The following RASGRF2 variants were observed in gnomAD, a reference collection of about 807,000 sequenced individuals.
The protein encoded by RASGRF2 is Ras protein specific guanine nucleotide releasing factor 2, also known as ras-specific guanine nucleotide-releasing factor 2.
In RASGRF2, 76 loss-of-function variants were observed where a neutral mutation model predicts 151.0. The observed-to-expected ratio is 0.50, with a 90% confidence interval of 0.42 to 0.61. The LOEUF is 0.61. RASGRF2 is among the 20% of genes least tolerant of loss of function. The pLI is 0.00. For missense variants in RASGRF2, 1,148 were observed against 1,564.6 expected (o/e 0.73, Z 4.49); for synonymous variants, 504 against 566.5 (o/e 0.89, Z 1.57).
intron 17 of RASGRF2, among the ~76,000 whole-genome samples, chr5:81,170,380 G>T (rs899033525): frequency 2.6e-5 from 4 of 152,250 alleles, no homozygotes; most frequent in Admixed American, 2.6e-4. Context: ...ACCCGCTGAT[G>T]GCTTCCCAAT....
chr5:80,998,842 G>A (rs1011963728), intron 1 of RASGRF2, among the ~76,000 whole-genome samples: 2 of 152,166 alleles, frequency 1.3e-5, no homozygotes, highest in Non-Finnish European at 2.9e-5. Context: ...TGAGCTTGAG[G>A]TTCATTCTGC....
In RASGRF2 at chr5:81,080,219, G is replaced by T; in HGVS notation, c.967+19G>T. 6.3e-7 allele frequency: 1 copy of T among 1,585,792 alleles called. No homozygotes were observed. The highest frequency in any genetic ancestry group is 8.5e-7 in the Non-Finnish European group (1 of 1,173,452). The stretch of plus-strand genomic sequence containing the variant: ...ATTTTAGGTAAGTGCATTCTTTAAA[G>T]GTGTAAGATTTTCTTTTAGAGTGGC... On this transcript the variant is annotated intron_variant, in intron 6 of 26. Coordinates refer to ENST00000265080, the MANE Select transcript of RASGRF2 (RefSeq NM_006909.3).
intron 17 of RASGRF2, among the ~76,000 whole-genome samples, chr5:81,141,135 G>A (rs1333424718): frequency 2.0e-5 from 3 of 152,170 alleles, no homozygotes; most frequent in East Asian, 1.9e-4. Flanking sequence ...AGCCACCAGT[G>A]TGTGACCTCA....
intron 7 of RASGRF2, 63 bp from the exon 8 acceptor site, chr5:81,085,739 C>A: frequency 1.2e-6 from 2 of 1,600,040 alleles, no homozygotes; most frequent in South Asian, 2.2e-5. Flanking sequence ...GATGGCCCTG[C>A]GGAGCATGTG....
intron 1 of RASGRF2, among the ~76,000 whole-genome samples, chr5:80,976,134 C>T (rs991019190): frequency 1.3e-5 from 2 of 152,158 alleles, no homozygotes; most frequent in African/African-American, 2.4e-5. Context: ...GTAACCACCA[C>T]GCCCGGCTAA....
intron 16 of RASGRF2, among the ~76,000 whole-genome samples, chr5:81,125,012 C>T (rs26890): frequency 0.36 from 55,020 of 151,794 alleles, 10,527 homozygotes; most frequent in Middle Eastern, 0.51. Flanking sequence ...CTCAGCCTCC[C>T]GAGTAGCCAG....
At chr5:81,143,630 G>A (rs1035638725) in intron 17 of RASGRF2, among the ~76,000 whole-genome samples, 2 of 151,862 alleles carry the variant, frequency 1.3e-5, no homozygotes, top group African/African-American at 2.4e-5. Context: ...GGTGGTGCAC[G>A]CCTATAATCC....
chr5:81,135,096 C>T (rs939567548), intron 17 of RASGRF2, among the ~76,000 whole-genome samples: 2 of 150,454 alleles, frequency 1.3e-5, no homozygotes, highest in Admixed American at 1.3e-4. Flanking sequence ...TGCTTGAGCC[C>T]AGGAGTTCAA....
chr5:81,109,760 A>C (rs1752945795), intron 13 of RASGRF2, among the ~76,000 whole-genome samples: 1 of 152,204 alleles, frequency 6.6e-6, no homozygotes, highest in Admixed American at 6.5e-5. Flanking sequence ...GCAGTTTACC[A>C]GTGTCTACGT....
At chr5:80,969,812 C>CTTTTTTTT (rs1561531426) in intron 1 of RASGRF2, among the ~76,000 whole-genome samples, 1 of 98,914 alleles carries the variant, frequency 1.0e-5, no homozygotes, top group African/African-American at 4.4e-5. Flanking sequence ...AATACTTCTT[C>CTTTTTTTT]TTCTTTTTTT....
At chr5:81,026,226 T>A (rs1436219160) in intron 1 of RASGRF2, among the ~76,000 whole-genome samples, 2 of 151,488 alleles carry the variant, frequency 1.3e-5, no homozygotes, top group African/African-American at 4.8e-5. Flanking sequence ...TCTTCCTTTT[T>A]TTCTATTCTT....
chr5:81,219,381 T>G (rs987092003), intron 25 of RASGRF2, among the ~76,000 whole-genome samples: 14 of 152,174 alleles, frequency 9.2e-5, no homozygotes, highest in Non-Finnish European at 1.9e-4. Context: ...ATGCCCAGCC[T>G]GGACAGCCAG....
rs77519616 is a variant in RASGRF2 at position 81,194,976 on chromosome 5, G to C, written c.2794-6354G>C. Among the ~76,000 whole-genome samples, 700 of 152,284 alleles carry C rather than the reference G, an allele frequency of 4.6e-3. 9 individuals are homozygous for C. Among genetic ancestry groups the C allele is most frequent in the East Asian group, 0.033 (171 of 5,186 alleles). On this transcript the variant is annotated intron_variant, in intron 18 of 26. Transcript: ENST00000265080. ...AGTGCGCCACCTTTGAGAGCAGGGC[G>C]GTTTCTTCGTTCGAATCCTCTCTCT...
chr5:81,048,440 T>G (rs908438517), intron 2 of RASGRF2, among the ~76,000 whole-genome samples: 3 of 152,190 alleles, frequency 2.0e-5, no homozygotes, highest in African/African-American at 7.2e-5. Context: ...AATATTTCAC[T>G]TGATTTGATG....
chr5:81,178,308 G>A (rs1754829736), intron 17 of RASGRF2, among the ~76,000 whole-genome samples: 1 of 152,158 alleles, frequency 6.6e-6, no homozygotes, highest in African/African-American at 2.4e-5. Flanking sequence ...AAAGTTTCAG[G>A]TTTACATAAC....
intron 18 of RASGRF2, among the ~76,000 whole-genome samples, chr5:81,198,526 G>A (rs1318978291): frequency 6.6e-6 from 1 of 151,742 alleles, no homozygotes; most frequent in South Asian, 2.1e-4. Flanking sequence ...GGCAAGCTCC[G>A]CCTGCCGGGT....
intron 1 of RASGRF2, among the ~76,000 whole-genome samples, chr5:81,000,941 G>A (rs1488002885): frequency 6.6e-6 from 1 of 152,174 alleles, no homozygotes; most frequent in Admixed American, 6.5e-5. Flanking sequence ...TCTATTAGGA[G>A]GATGATGAAT....
intron 1 of RASGRF2, among the ~76,000 whole-genome samples, chr5:80,976,511 G>A (rs1242486146): frequency 1.3e-5 from 2 of 152,146 alleles, no homozygotes; most frequent in African/African-American, 4.8e-5. Context: ...CTCCTCCATC[G>A]GAACTAGTAT....
At chr5:81,043,227 C>G (rs1750733875) in intron 2 of RASGRF2, among the ~76,000 whole-genome samples, 1 of 152,160 alleles carries the variant, frequency 6.6e-6, no homozygotes, top group African/African-American at 2.4e-5. Context: ...TGGATTTCTT[C>G]CTATGTGCCA....
Sources: allele counts gnomAD v4.1 joint callset (sites outside exome capture counted in the v4.1 genomes callset), GRCh38; gene constraint gnomAD v4.1.1; transcripts MANE v1.5; gene names NCBI Gene and HGNC (gene_info 2026-07-23, HGNC 2026-07-21).